Variants in SMG6 observed in about 807,000 individuals in gnomAD.
SMG6 encodes telomerase-binding protein EST1A.
Under a neutral mutation model 142.2 loss-of-function variants are expected in SMG6, and 66 were observed. The observed-to-expected ratio is 0.46, with a 90% confidence interval of 0.38 to 0.57. The LOEUF (loss-of-function observed/expected upper bound fraction) is 0.57. Ranked by LOEUF, SMG6 falls within the 20% of genes least tolerant of loss-of-function variation. The probability of loss-of-function intolerance (pLI) is 0.00; values close to 1 mark genes in which losing one functional copy is unlikely to be tolerated. For missense variants in SMG6, 1,793 were observed against 1,832.0 expected (o/e 0.98, Z 0.39); for synonymous variants, 779 against 702.4 (o/e 1.11, Z -1.72).
At position 2,201,819 on chromosome 17, in the gene SMG6, T is replaced by A. The variant is rs189371216; in HGVS notation, c.2870-13304A>T. On this transcript the variant is annotated intron_variant, in intron 10 of 18. Transcript: ENST00000263073. Reference sequence around the variant, plus strand: ...TGGGTGGATCACTTGAGGCCAGGAGTTCGAGACTAGCCTGGCAAACATGGT... The same window carrying A: ...TGGGTGGATCACTTGAGGCCAGGAGATCGAGACTAGCCTGGCAAACATGGT... Among the ~76,000 whole-genome samples, 670 of 150,288 alleles carry A rather than the reference T, an allele frequency of 4.5e-3. 3 individuals are homozygous for A. The highest frequency in any genetic ancestry group is 0.015 in the African/African-American group (615 of 40,748).
chr17:2,226,080 A>T (rs184893674), intron 10 of SMG6, among the ~76,000 whole-genome samples: 1 of 152,156 alleles, frequency 6.6e-6, no homozygotes, highest in Non-Finnish European at 1.5e-5. Context: ...GTTCAAGACC[A>T]GCCTGACCAA....
chr17:2,279,996 T>C (rs1158480063), intron 8 of SMG6, among the ~76,000 whole-genome samples: 1 of 152,196 alleles, frequency 6.6e-6, no homozygotes, highest in Non-Finnish European at 1.5e-5. Flanking sequence ...CACACGGAAC[T>C]ATAATGACAC....
rs138042571 is a variant in SMG6, at chr17:2,085,823, G to A, written c.3436C>T (p.Leu1146=). ...ACATACTTTCCACCCTTGAATGCCA[G>A]CAGAGGCTCTTCTTGTCCACAAAGG... ...EALCGQEEPL[L]AFKGGKYVSV... Residue 1146 remains leucine (L), a synonymous_variant, in exon 14 of 19, where the codon CTG becomes TTG. Coordinates refer to ENST00000263073, the MANE Select transcript of SMG6 (RefSeq NM_017575.5). This position sits in a 1 kb window ranked among gnomAD's most constrained non-coding sequence, Gnocchi z 4.1. The A allele has an allele frequency of 1.2e-4, 192 of 1,614,214 alleles. No individual in the cohort carries two copies. In the African/African-American group the frequency reaches 2.0e-3, roughly 17 times the overall value.
In SMG6 at chr17:2,068,823, G is replaced by T. The variant is rs1412169618; in HGVS notation, c.3790C>A (p.Arg1264=). Residue 1264 remains arginine (R), a synonymous_variant, in exon 16 of 19, where the codon CGG becomes AGG. Coordinates refer to ENST00000263073, the MANE Select transcript of SMG6 (RefSeq NM_017575.5). The surrounding 1 kb of genome is among the most constrained non-coding windows in gnomAD (Gnocchi z 6.7). Reference sequence around the variant, plus strand: ...ATGTACTTCCTGCTCTCCAGCAGCCGCGCCAGACTGGCCAGGTGGTCAATG... The same window carrying T: ...ATGTACTTCCTGCTCTCCAGCAGCCTCGCCAGACTGGCCAGGTGGTCAATG... ...GFIDHLASLA[R]LLESRKYILV... The T allele has an allele frequency of 6.2e-7, 1 of 1,614,206 alleles. No homozygotes were observed. The highest frequency in any genetic ancestry group is 8.5e-7 in the Non-Finnish European group (1 of 1,180,032).
chr17:2,244,721 T>C lies in SMG6; in HGVS notation c.2662-2A>G. The C allele has an allele frequency of 6.2e-7, 1 of 1,613,272 alleles. No individual in the cohort carries two copies. Among genetic ancestry groups the C allele is most frequent in the Non-Finnish European group, 8.5e-7 (1 of 1,179,238 alleles). Reference sequence around the variant, plus strand: ...ACTGAGGATGAACCTTTTGTTCAGCTGCATGGGAAAAAGGGAGAGGAGAAA... The same window carrying C: ...ACTGAGGATGAACCTTTTGTTCAGCCGCATGGGAAAAAGGGAGAGGAGAAA... On this transcript the variant is annotated splice_acceptor_variant, in intron 8 of 18. Coordinates refer to ENST00000263073, the MANE Select transcript of SMG6 (RefSeq NM_017575.5). LOFTEE classifies it high-confidence loss of function.
At position 2,114,970 on chromosome 17, in the gene SMG6, GAAATAAAATAAAATA is replaced by G. The variant is rs143639119; in HGVS notation, c.3358-29084_3358-29070del. Among the ~76,000 whole-genome samples the G allele has an allele frequency of 3.6e-3, 428 of 117,574 alleles. 12 individuals carry two copies. The highest frequency in any genetic ancestry group is 0.014 in the African/African-American group (394 of 27,494). The allele number at this position is 117,574 out of a possible 152,430, so 77.1% of individuals were successfully genotyped here. ...ATAAAATAAAAAAATGAAATGAAATGAAATAAAATAAAATAAAATAAAATAAAATAAAATAATTAA... is the reference window on the plus strand; with the variant it reads ...ATAAAATAAAAAAATGAAATGAAATGAAATAAAATAAAATAAAATAATTAA... On this transcript the variant is annotated intron_variant, in intron 13 of 18. Transcript: ENST00000263073.
At chr17:2,252,577 T>C (rs1013376519) in intron 8 of SMG6, among the ~76,000 whole-genome samples, 4 of 152,212 alleles carry the variant, frequency 2.6e-5, no homozygotes, top group African/African-American at 9.6e-5. Flanking sequence ...CTGTTAATTA[T>C]CAGGAAGTCA....
At chr17:2,100,689 G>A (rs1458088753) in intron 13 of SMG6, among the ~76,000 whole-genome samples, 5 of 152,094 alleles carry the variant, frequency 3.3e-5, no homozygotes, top group African/African-American at 4.8e-5. Context: ...GAATACAGGC[G>A]CACACCATCA....
Position 2,292,552 on chromosome 17 carries a change from C to A in SMG6, c.2337G>T (p.Thr779=). Reference sequence around the variant, plus strand: ...TTCCCCTGTCCACAGGATTTCTTACCGTATACACTGCCAGCAAAGCCAACT... The same window carrying A: ...TTCCCCTGTCCACAGGATTTCTTACAGTATACACTGCCAGCAAAGCCAACT... ...YNQLALLAVY[T]RRKLDAVYYY... The change falls in exon 6 of 19, where the codon ACG becomes ACT. Residue 779 remains threonine (T), a splice_region_variant and synonymous_variant. Transcript: ENST00000263073. The A allele has an allele frequency of 6.2e-7, 1 of 1,614,068 alleles. No individual in the cohort carries two copies. The highest frequency in any genetic ancestry group is 8.5e-7 in the Non-Finnish European group (1 of 1,179,988).
At chr17:2,089,178 T>C (rs1597367566) in intron 13 of SMG6, among the ~76,000 whole-genome samples, 1 of 152,162 alleles carries the variant, frequency 6.6e-6, no homozygotes, top group African/African-American at 2.4e-5. Flanking sequence ...AGCACATTTT[T>C]CCACTCTATA....
chr17:2,202,178 T>A (rs941809684), intron 10 of SMG6, among the ~76,000 whole-genome samples: 1 of 152,158 alleles, frequency 6.6e-6, no homozygotes, highest in Non-Finnish European at 1.5e-5. Context: ...CAAATATCCA[T>A]CAACAAGTGA....
At chr17:2,083,744 G>A (rs2068484305) in intron 14 of SMG6, among the ~76,000 whole-genome samples, 1 of 152,190 alleles carries the variant, frequency 6.6e-6, no homozygotes, top group African/African-American at 2.4e-5. Flanking sequence ...CTCTGACTAG[G>A]GATATACAAG....
In SMG6 at chr17:2,059,909, G is replaced by A. The variant is rs1467407006; in HGVS notation, c.*1583C>T. ...TGCTGCAAACGGGACAGAAAGGAGA[G>A]CTGGGTCTCCCTCCCGACCACCCAG... On this transcript the variant is annotated 3_prime_UTR_variant, in exon 19 of 19. Coordinates refer to ENST00000263073, the MANE Select transcript of SMG6 (RefSeq NM_017575.5). 3 of 155,860 alleles carry A rather than the reference G, an allele frequency of 1.9e-5. No individual in the cohort carries two copies. Among genetic ancestry groups the A allele is most frequent in the African/African-American group, 7.2e-5 (3 of 41,464 alleles). The allele number at this position is 155,860 out of a possible 1,614,324, so 9.7% of individuals were successfully genotyped here.
At position 2,160,485 on chromosome 17, in the gene SMG6, C is replaced by T. The variant is rs1295934461; in HGVS notation, c.3357+12173G>A. ...CCGCCTGCCTCGGCCTCCCAAAGTG[C>T]TGGGATTACAGGCATGAGCCACCGC... On this transcript the variant is annotated intron_variant, in intron 13 of 18. Coordinates refer to ENST00000263073, the MANE Select transcript of SMG6 (RefSeq NM_017575.5). 6.6e-5 allele frequency among the ~76,000 whole-genome samples: 10 copies of T among 152,308 alleles called. No homozygotes were observed. In the East Asian group the frequency reaches 1.7e-3, roughly 27 times the overall value.
chr17:2,082,896 T>G (rs922777907), intron 14 of SMG6, among the ~76,000 whole-genome samples: 2 of 152,200 alleles, frequency 1.3e-5, no homozygotes, highest in African/African-American at 2.4e-5. Flanking sequence ...ACTGAGTGCT[T>G]ATTACTGGCC....
chr17:2,107,257 A>G (rs988766399), intron 13 of SMG6, among the ~76,000 whole-genome samples: 2 of 152,148 alleles, frequency 1.3e-5, no homozygotes, highest in African/African-American at 4.8e-5. Context: ...GCAGGGATCT[A>G]GACCTCTCGG....
intron 1 of SMG6, among the ~76,000 whole-genome samples, chr17:2,302,814 G>C (rs2075313236): frequency 1.3e-5 from 2 of 152,100 alleles, no homozygotes; most frequent in Non-Finnish European, 2.9e-5. Flanking sequence ...TTGGTGGGGG[G>C]CGGGGGGATG....
intron 10 of SMG6, among the ~76,000 whole-genome samples, chr17:2,190,899 G>A (rs1436617994): frequency 6.6e-6 from 1 of 152,220 alleles, no homozygotes; most frequent in Non-Finnish European, 1.5e-5. Flanking sequence ...CTGTAATCAA[G>A]CAGGTGGAGA....
intron 10 of SMG6, among the ~76,000 whole-genome samples, chr17:2,228,497 G>T (rs1293604635): frequency 1.3e-5 from 2 of 152,160 alleles, no homozygotes; most frequent in Non-Finnish European, 2.9e-5. Context: ...AAAGTGCTGG[G>T]ACTACAGGCG....
Sources: allele counts gnomAD v4.1 joint callset (sites outside exome capture counted in the v4.1 genomes callset), GRCh38; gene constraint gnomAD v4.1.1; non-coding constraint Gnocchi (gnomAD v3.1); transcripts MANE v1.5; gene names NCBI Gene and HGNC (gene_info 2026-07-23, HGNC 2026-07-21).